Variants in TENM3 observed in about 807,000 individuals in gnomAD.
The protein encoded by TENM3 is teneurin-3.
Under a neutral mutation model 255.1 loss-of-function variants are expected in TENM3, and 63 were observed. The observed-to-expected ratio is 0.25, with a 90% CI of 0.20 to 0.30. TENM3 has a LOEUF of 0.30. TENM3 is among the 10% of genes least tolerant of loss of function. The pLI is 1.00. For missense variants in TENM3, 2,929 were observed against 3,461.1 expected, an observed-to-expected ratio of 0.85 and a Z score of 3.86; for synonymous variants, 1,306 against 1,322.3, an observed-to-expected ratio of 0.99 and a Z score of 0.27.
At chr4:181,860,233 G>A in the TENM3 span, among the ~76,000 whole-genome samples, 2 of 152,134 alleles carry the variant, frequency 1.3e-5, no homozygotes, top group African/African-American at 4.8e-5. Flanking sequence ...ACAATGCATT[G>A]TTTAAAAGCT....
chr4:182,087,486 G>A, the TENM3 span, among the ~76,000 whole-genome samples: 26,079 of 152,086 alleles, frequency 0.17, 2,308 homozygotes, highest in African/African-American at 0.24. Flanking sequence ...TGAATCAGGA[G>A]CATCAGAACT....
At chr4:182,463,345 C>T (rs1442467592) in intron 3 of TENM3, among the ~76,000 whole-genome samples, 1 of 152,076 alleles carries the variant, frequency 6.6e-6, no homozygotes, top group Non-Finnish European at 1.5e-5. Flanking sequence ...GAAACCACTA[C>T]AAAAACTGTG....
chr4:182,465,594 A>AT (rs1732509238), intron 3 of TENM3, among the ~76,000 whole-genome samples: 1 of 152,068 alleles, frequency 6.6e-6, no homozygotes, highest in Non-Finnish European at 1.5e-5. Flanking sequence ...TAAATAAATG[A>AT]TTTTACCAAA....
chr4:182,621,187 A>C (rs1377780842), intron 4 of TENM3, among the ~76,000 whole-genome samples: 1 of 151,460 alleles, frequency 6.6e-6, no homozygotes, highest in African/African-American at 2.4e-5. Flanking sequence ...TCTAAAAAAA[A>C]AAAGATTTAG....
intron 3 of TENM3, among the ~76,000 whole-genome samples, chr4:182,385,556 C>T (rs561947278): frequency 1.8e-4 from 28 of 152,224 alleles, no homozygotes; most frequent in African/African-American, 4.8e-4. Flanking sequence ...TGAGCCACCG[C>T]GCCCAGCCAG....
chr4:182,131,926 A>C, the TENM3 span, among the ~76,000 whole-genome samples: 4 of 145,768 alleles, frequency 2.7e-5, no homozygotes, highest in Admixed American at 7.6e-5. Flanking sequence ...GAGGATTACC[A>C]ACTTCTACAA....
the TENM3 span, among the ~76,000 whole-genome samples, chr4:181,502,116 A>G: frequency 1.3e-5 from 2 of 152,170 alleles, 1 homozygote; most frequent in South Asian, 4.1e-4. Context: ...TTTGAAGCAA[A>G]ACCTTATTTA....
the TENM3 span, among the ~76,000 whole-genome samples, chr4:181,849,949 T>TCTCTCTCTCTCTCTCA: frequency 1.7e-3 from 111 of 65,962 alleles, 2 homozygotes; most frequent in Admixed American, 7.1e-3. Context: ...TCTCTCTCTC[T>TCTCTCTCTCTCTCTCA]CACACACACA....
At chr4:182,102,118 AC>A in the TENM3 span, among the ~76,000 whole-genome samples, 1 of 152,184 alleles carries the variant, frequency 6.6e-6, no homozygotes, top group African/African-American at 2.4e-5. Context: ...GATGGCTACA[AC>A]CCGGTGGGAC....
intron 3 of TENM3, among the ~76,000 whole-genome samples, chr4:182,445,441 A>C (rs185774954): frequency 9.2e-5 from 14 of 152,272 alleles, no homozygotes; most frequent in African/African-American, 3.1e-4. Context: ...CACCTCTGAC[A>C]ATGTGGATTT....
At chr4:182,193,948 G>A (rs1196952227) in intron 1 of TENM3, among the ~76,000 whole-genome samples, 2 of 152,136 alleles carry the variant, frequency 1.3e-5, no homozygotes, top group African/African-American at 4.8e-5. Context: ...GATTGTTATT[G>A]AAACGTTTAT....
chr4:181,884,021 T>G, the TENM3 span, among the ~76,000 whole-genome samples: 4 of 152,154 alleles, frequency 2.6e-5, no homozygotes, highest in Admixed American at 2.6e-4. Flanking sequence ...ATAAATACAT[T>G]AAATAGTTGT....
At chr4:181,921,147 G>T in the TENM3 span, among the ~76,000 whole-genome samples, 146,148 of 152,122 alleles carry the variant, frequency 0.96, 70,465 homozygotes, top group East Asian at 1. Flanking sequence ...GCTTGTAGTA[G>T]AGTTTGAAGT....
At chr4:182,098,963 CT>C in the TENM3 span, among the ~76,000 whole-genome samples, 70 of 131,224 alleles carry the variant, frequency 5.3e-4, no homozygotes, top group Middle Eastern at 4.0e-3. Flanking sequence ...CTCTTTTTTT[CT>C]TTTTTTTTTT....
At chr4:182,439,539 G>A (rs1464629703) in intron 3 of TENM3, among the ~76,000 whole-genome samples, 4 of 152,312 alleles carry the variant, frequency 2.6e-5, no homozygotes, top group East Asian at 3.9e-4. Context: ...AGAACCTAAG[G>A]TGTTTCAGGC....
At chr4:182,254,274 T>A (rs1758228719) in intron 1 of TENM3, among the ~76,000 whole-genome samples, 1 of 151,904 alleles carries the variant, frequency 6.6e-6, no homozygotes, top group Non-Finnish European at 1.5e-5. Context: ...CATGAGCCGT[T>A]CCATCTTCAG....
the TENM3 span, among the ~76,000 whole-genome samples, chr4:181,494,286 G>A: frequency 6.6e-5 from 10 of 152,036 alleles, no homozygotes; most frequent in Admixed American, 3.3e-4. Flanking sequence ...GCCAAAGTCC[G>A]TTGGCTTCTT....
chr4:181,560,111 G>A, the TENM3 span, among the ~76,000 whole-genome samples: 40 of 152,300 alleles, frequency 2.6e-4, 1 homozygote, highest in African/African-American at 8.4e-4. Flanking sequence ...TGCATTTCTC[G>A]TGGTCTTGGA....
At chr4:181,943,100 G>A in the TENM3 span, among the ~76,000 whole-genome samples, 1 of 152,138 alleles carries the variant, frequency 6.6e-6, no homozygotes. Context: ...GTCTACAAAT[G>A]TAATTTTAGG....
Sources: gnomAD v4.1 joint callset for allele counts (sites outside exome capture counted in the v4.1 genomes callset) on GRCh38, gnomAD v4.1.1 for gene constraint, MANE v1.5 for transcripts, NCBI Gene and HGNC (gene_info 2026-07-23, HGNC 2026-07-21) for gene names.